SCAF11: variants seen among roughly 807,000 people sequenced by gnomAD.
The protein encoded by SCAF11 is protein SCAF11.
In SCAF11, 47 loss-of-function variants were observed where a neutral mutation model predicts 140.5. The ratio of observed to expected loss-of-function variants is 0.33; its 90% CI spans 0.26 to 0.43. The LOEUF (loss-of-function observed/expected upper bound fraction) is 0.43, where lower values mean the gene tolerates loss of function less well. SCAF11 is among the 20% of genes least tolerant of loss of function. SCAF11 has a pLI of 1.00. For synonymous variants in SCAF11, 557 were observed against 579.4 expected (o/e 0.96, Z 0.55); for missense variants, 1,645 against 1,705.1 (o/e 0.96, Z 0.62).
intron 1 of SCAF11, among the ~76,000 whole-genome samples, chr12:45,971,359 A>G (rs951485474): frequency 1.0e-4 from 16 of 152,386 alleles, no homozygotes; most frequent in African/African-American, 3.8e-4. Context: ...GATGGAATAA[A>G]CACATCCCAC....
intron 1 of SCAF11, among the ~76,000 whole-genome samples, chr12:45,972,929 GATATATATAGAT>G (rs1429152418): frequency 1.3e-4 from 11 of 86,508 alleles, no homozygotes; most frequent in South Asian, 1.2e-3. Context: ...TAGATATATA[GATATATATAGAT>G]ATATATATAG....
intron 8 of SCAF11, among the ~76,000 whole-genome samples, chr12:45,933,783 A>T (rs939313944): frequency 6.6e-6 from 1 of 152,172 alleles, no homozygotes; most frequent in Non-Finnish European, 1.5e-5. Context: ...TTCAAATTCC[A>T]TAAATATCAA....
chr12:45,941,525 T>A (rs764092135), intron 6 of SCAF11, among the ~76,000 whole-genome samples: 11 of 152,206 alleles, frequency 7.2e-5, no homozygotes, highest in Non-Finnish European at 1.2e-4. Flanking sequence ...TCATCTTGCA[T>A]AACTGAACCT....
chr12:45,959,261 C>T (rs977688795), intron 3 of SCAF11, among the ~76,000 whole-genome samples: 4 of 151,272 alleles, frequency 2.6e-5, no homozygotes, highest in African/African-American at 9.7e-5. Flanking sequence ...GACTGAGACT[C>T]TGTCTCAAAT....
intron 2 of SCAF11, 39 bp from the exon 3 acceptor site, chr12:45,961,896 C>A: frequency 6.5e-7 from 1 of 1,534,416 alleles, no homozygotes; most frequent in Non-Finnish European, 8.8e-7. Context: ...TTCAAGTTCT[C>A]CAGACCAAAA....
intron 3 of SCAF11, chr12:45,960,472 T>C (rs561424017): frequency 6.6e-6 from 1 of 152,106 alleles, no homozygotes; most frequent in African/African-American, 2.4e-5. Flanking sequence ...CAGATAAAAA[T>C]CTTTATTTGG....
At chr12:45,969,073 G>T (rs1036514217) in intron 1 of SCAF11, among the ~76,000 whole-genome samples, 3 of 152,196 alleles carry the variant, frequency 2.0e-5, no homozygotes, top group African/African-American at 7.2e-5. Context: ...AAATTTTTGT[G>T]AAGTTTTAGT....
chr12:45,934,565 A>G (rs1195683733), intron 6 of SCAF11, 60 bp from the exon 7 acceptor site: 2 of 1,162,230 alleles, frequency 1.7e-6, no homozygotes, highest in African/African-American at 3.2e-5. Flanking sequence ...AAAAGGCTGT[A>G]AACCAGCATC....
chr12:45,961,928 A>G, intron 2 of SCAF11, 71 bp from the exon 3 acceptor site: 1 of 1,276,250 alleles, frequency 7.8e-7, no homozygotes. Flanking sequence ...CTAGGAGTAT[A>G]GTGGATTAGA....
At chr12:45,956,110 A>G in intron 3 of SCAF11, 1 of 716,140 alleles carries the variant, frequency 1.4e-6, no homozygotes, top group Non-Finnish European at 2.6e-6. Flanking sequence ...CTTATTTGGG[A>G]ATTCAGGATC....
upstream of SCAF11, among the ~76,000 whole-genome samples, chr12:45,990,978 A>G (rs925407806): frequency 1.3e-5 from 2 of 152,238 alleles, no homozygotes; most frequent in Non-Finnish European, 2.9e-5. Flanking sequence ...GTCGCGGAGG[A>G]CAATGAAAGA....
rs1210485747 is a variant in SCAF11, at chr12:45,926,382, A to C, written c.3319T>G (p.Ser1107Ala). The stretch of plus-strand genomic sequence containing the variant: ...AAAGATTCACTCCCTGAACTGTTTG[A>C]ATTCCCTGAGAGGGGTTTTCGATTT... ...WQNRKPLSGNSNSSGSESFKF... is the reference protein window; with the variant it reads ...WQNRKPLSGNANSSGSESFKF... Residue 1107 changes from serine (S) to alanine (A), a missense_variant, in exon 11 of 15, where the codon TCA (serine) becomes GCA (alanine). Physicochemically the swap from Ser to Ala is moderately conservative, Grantham distance 99. Coordinates refer to ENST00000369367, the MANE Select transcript of SCAF11 (RefSeq NM_004719.3). 3 of 1,614,164 alleles carry C rather than the reference A, an allele frequency of 1.9e-6. No individual in the cohort carries two copies. The highest frequency in any genetic ancestry group is 2.2e-5 in the South Asian group (2 of 91,082).
At chr12:45,964,441 G>A (rs895148127) in intron 1 of SCAF11, among the ~76,000 whole-genome samples, 52 of 152,184 alleles carry the variant, frequency 3.4e-4, no homozygotes, top group Non-Finnish European at 6.3e-4. Context: ...GCCGAGGCGG[G>A]CGGATCACAA....
chr12:45,961,790 T>C lies in SCAF11; in HGVS notation c.129A>G (p.Ile43Met), dbSNP rs1308204086. The C allele has an allele frequency of 1.9e-6, 3 of 1,612,634 alleles. No individual in the cohort carries two copies. Among genetic ancestry groups the C allele is most frequent in the Non-Finnish European group, 2.5e-6 (3 of 1,178,968 alleles). ...LLYSEADRCP[I>M]CLNCLLEKEV... ...CCTTTTCTAATAGACAATTAAGACATATTGGGCATCTGTCAGCCTCACTGT... is the reference window on the plus strand; with the variant it reads ...CCTTTTCTAATAGACAATTAAGACACATTGGGCATCTGTCAGCCTCACTGT... The change falls in exon 3 of 15, where the codon ATA (isoleucine) becomes ATG (methionine). Residue 43 changes from isoleucine to methionine, a missense_variant. By Grantham distance (10) the Ile-to-Met change is conservative. Transcript: ENST00000369367.
Position 45,928,719 on chromosome 12 carries a change from T to C in SCAF11, c.982A>G (p.Arg328Gly). The C allele has an allele frequency of 6.2e-7, 1 of 1,614,118 alleles. No homozygotes were observed. Among genetic ancestry groups the C allele is most frequent in the Non-Finnish European group, 8.5e-7 (1 of 1,180,002 alleles). ...TPTRRSTRNT[R>G]AETASQSQRS... The stretch of plus-strand genomic sequence containing the variant: ...TGAGACTGACTGGCTGTTTCAGCTC[T>C]TGTGTTACGTGTAGACCTCCTTGTA... The change falls in exon 11 of 15, where the codon AGA (arginine) becomes GGA (glycine). Residue 328 changes from arginine (R) to glycine (G), a missense_variant. Arg to Gly is a moderately radical substitution (Grantham distance 125, BLOSUM62 -2). Transcript: ENST00000369367.
chr12:45,934,187 A>G lies in SCAF11; in HGVS notation c.621T>C (p.Tyr207=). 1 of 1,559,954 alleles carries G rather than the reference A, an allele frequency of 6.4e-7. No homozygotes were observed. Among genetic ancestry groups the G allele is most frequent in the South Asian group, 1.1e-5 (1 of 88,430 alleles). Residue 207 remains tyrosine (Y), a synonymous_variant, in exon 8 of 15, where the codon TAT becomes TAC. Coordinates refer to ENST00000369367, the MANE Select transcript of SCAF11 (RefSeq NM_004719.3). The part of the protein sequence containing the change: ...VSHSGESSFT[Y]RAYCTEFIEA... ...TAGAAAATACTAACCAATAAGCTCTATAGGTAAAGGAAGATTCTCCAGAGT... is the reference window on the plus strand; with the variant it reads ...TAGAAAATACTAACCAATAAGCTCTGTAGGTAAAGGAAGATTCTCCAGAGT...
At chr12:45,957,440 T>C (rs895324625) in intron 3 of SCAF11, among the ~76,000 whole-genome samples, 1 of 152,150 alleles carries the variant, frequency 6.6e-6, no homozygotes, top group African/African-American at 2.4e-5. Flanking sequence ...AATATAACCT[T>C]CACCTATGTT....
intron 1 of SCAF11, among the ~76,000 whole-genome samples, chr12:45,965,206 C>T (rs745925215): frequency 2.6e-5 from 4 of 151,994 alleles, no homozygotes; most frequent in African/African-American, 9.7e-5. Context: ...AAGATAGATA[C>T]GCCAGCCAAG....
At chr12:45,922,711 A>C in intron 13 of SCAF11, 129 bp from the exon 14 acceptor site, 1 of 991,190 alleles carries the variant, frequency 1.0e-6, no homozygotes. Context: ...GACAAATATA[A>C]AACAGTTTAT....
Sources: gnomAD v4.1 joint callset for allele counts (sites outside exome capture counted in the v4.1 genomes callset) on GRCh38, gnomAD v4.1.1 for gene constraint, MANE v1.5 for transcripts, NCBI Gene and HGNC (gene_info 2026-07-23, HGNC 2026-07-21) for gene names.